SETDB2: variants seen among roughly 807,000 people sequenced by gnomAD.
SETDB2 encodes the protein SET domain bifurcated histone lysine methyltransferase 2.
Under a neutral mutation model 82.5 loss-of-function variants are expected in SETDB2, and 56 were observed. The ratio of observed to expected loss-of-function variants is 0.68; its 90% CI spans 0.55 to 0.85. SETDB2 has a LOEUF of 0.85. Ranked by LOEUF, SETDB2 falls within the 40% of genes least tolerant of loss-of-function variation. The probability of loss-of-function intolerance (pLI) is 0.00; values close to 1 mark genes in which losing one functional copy is unlikely to be tolerated. For synonymous variants in SETDB2, 272 were observed against 284.9 expected (o/e 0.95, Z 0.46); for missense variants, 677 against 816.4 (o/e 0.83, Z 2.08).
intron 5 of SETDB2, among the ~76,000 whole-genome samples, chr13:49,472,953 T>C (rs1958279344): frequency 6.6e-6 from 1 of 152,204 alleles, no homozygotes; most frequent in African/African-American, 2.4e-5. Context: ...AATTCCAAAT[T>C]ACAAGTTTTA....
At chr13:49,482,693 A>G (rs748079919) in intron 8 of SETDB2, 44 bp from the exon 9 acceptor site, 23 of 1,267,306 alleles carry the variant, frequency 1.8e-5, no homozygotes, top group East Asian at 4.7e-5. Context: ...ATCATTAGCA[A>G]TTATCTTCTG....
chr13:49,446,763 G>T (rs530135670), intron 1 of SETDB2, among the ~76,000 whole-genome samples: 1 of 152,254 alleles, frequency 6.6e-6, no homozygotes, highest in Admixed American at 6.5e-5. Flanking sequence ...GTGCTGTATA[G>T]CACATTTTAT....
intron 12 of SETDB2, among the ~76,000 whole-genome samples, 190 bp from the exon 13 acceptor site, chr13:49,490,632 G>A (rs1958693716): frequency 6.6e-6 from 1 of 152,166 alleles, no homozygotes; most frequent in Non-Finnish European, 1.5e-5. Context: ...CAGCAACATA[G>A]AAGAGCGTCA....
chr13:49,471,941 T>A (rs1245388771), intron 5 of SETDB2, among the ~76,000 whole-genome samples: 6,169 of 141,940 alleles, frequency 0.043, 181 homozygotes, highest in Non-Finnish European at 0.067. Flanking sequence ...TATATTTTTT[T>A]TTTTTTTTAA....
In SETDB2 at chr13:49,464,357, T is replaced by G. The variant is rs564349038; in HGVS notation, c.208+3195T>G. On this transcript the variant is annotated intron_variant, in intron 4 of 13. Transcript: ENST00000611815. ...ACAACTTCTTCCTGTATTTGTTCATTCTCAGATGTCTTCAATTCAAAATAA... is the reference window on the plus strand; with the variant it reads ...ACAACTTCTTCCTGTATTTGTTCATGCTCAGATGTCTTCAATTCAAAATAA... 3.3e-5 allele frequency among the ~76,000 whole-genome samples: 5 copies of G among 152,322 alleles called. No individual in the cohort carries two copies. The East Asian group carries it at 9.6e-4, about 29-fold the overall frequency.
At chr13:49,480,174 C>G in intron 6 of SETDB2, 45 bp from the exon 7 acceptor site, 3 of 1,279,110 alleles carry the variant, frequency 2.3e-6, no homozygotes, top group Non-Finnish European at 3.3e-6. Context: ...CTTGACTTGA[C>G]TTGCTGCTTT....
chr13:49,480,182 T>G (rs781389007), intron 6 of SETDB2, 37 bp from the exon 7 acceptor site: 71 of 1,387,914 alleles, frequency 5.1e-5, no homozygotes, highest in Non-Finnish European at 7.1e-5. Flanking sequence ...GACTTGCTGC[T>G]TTTTCATTCT....
Position 49,482,790 on chromosome 13 carries a change from G to A in SETDB2, c.1210G>A (p.Gly404Arg), listed in dbSNP as rs111983452. The change falls in exon 9 of 14, where the codon GGG (glycine) becomes AGG (arginine). Residue 404 changes from glycine (G) to arginine (R), a missense_variant. This residue lies in a region of SETDB2 where 420 missense variants were observed against 554.6 expected (regional missense o/e 0.76). Coordinates refer to ENST00000611815, the MANE Select transcript of SETDB2 (RefSeq NM_001160308.3). ...TEKSYGIDEN[G>R]RDENTMKNIF... ...AAAATCTTATGGTATTGATGAAAAC[G>A]GGAGAGATGAGAATACTATGAAAAA... 2.8e-3 allele frequency: 4,579 copies of A among 1,612,520 alleles called. 164 individuals are homozygous for A. In the Admixed American group the frequency reaches 0.066, roughly 23 times the overall value.
chr13:49,467,865 T>G lies in SETDB2; in HGVS notation c.210T>G (p.Asp70Glu), dbSNP rs373994331. ...TIINSSTSIK[D>E]PMPVTQKEQE... is the part of the protein sequence containing the mutation. ...TGCTCACATTATTTTTTTGTGTAGA[T>G]CCTATGCCTGTGACTCAGAAGGAAC... The change falls in exon 5 of 14, where the codon GAT (aspartate) becomes GAG (glutamate). Residue 70 changes from aspartate (D) to glutamate (E), a missense_variant and splice_region_variant. Physicochemically the swap from Asp to Glu is conservative, Grantham distance 45. Around this residue, in one of 3 missense-constraint regions of SETDB2, gnomAD observed 243 missense variants for 237.2 expected, o/e 1.02. Coordinates refer to ENST00000611815, the MANE Select transcript of SETDB2 (RefSeq NM_001160308.3). The G allele has an allele frequency of 6.2e-7, 1 of 1,605,660 alleles. No homozygotes were observed. The highest frequency in any genetic ancestry group is 8.5e-7 in the Non-Finnish European group (1 of 1,177,068).
At chr13:49,471,930 ATATATT>A (rs1436878273) in intron 5 of SETDB2, among the ~76,000 whole-genome samples, 2 of 73,116 alleles carry the variant, frequency 2.7e-5, no homozygotes, top group African/African-American at 1.2e-4. Context: ...ATATATATAT[ATATATT>A]TTTTTTTTTT....
intron 4 of SETDB2, 58 bp downstream of exon 4, chr13:49,461,220 C>T: frequency 8.2e-7 from 1 of 1,223,816 alleles, no homozygotes; most frequent in East Asian, 2.4e-5. Context: ...TGCCATGAAG[C>T]AGGATAGCTT....
chr13:49,464,695 T>G (rs1958066095), intron 4 of SETDB2, among the ~76,000 whole-genome samples: 1 of 152,166 alleles, frequency 6.6e-6, no homozygotes. Flanking sequence ...GAAGTGTTTT[T>G]AAGTAAACAG....
chr13:49,494,934 G>GA lies in SETDB2; in HGVS notation c.*3089dup, dbSNP rs1254558988. ...TATATGCATTTATGTTAGATTCACT[G>GA]AAAACCTCATCTTGTATGGTGCTCT... is the stretch of plus-strand genomic sequence containing the variant. On this transcript the variant is annotated 3_prime_UTR_variant, in exon 14 of 14. Coordinates refer to ENST00000611815, the MANE Select transcript of SETDB2 (RefSeq NM_001160308.3). 6.6e-6 allele frequency: 1 copy of GA among 152,024 alleles called. No individual in the cohort carries two copies. The highest frequency in any genetic ancestry group is 2.4e-5 in the African/African-American group (1 of 41,374). The allele number at this position is 152,024 out of a possible 1,614,324, so 9.4% of individuals were successfully genotyped here.
intron 4 of SETDB2, among the ~76,000 whole-genome samples, chr13:49,461,674 G>T (rs558300195): frequency 6.6e-6 from 1 of 152,176 alleles, no homozygotes; most frequent in Non-Finnish European, 1.5e-5. Flanking sequence ...TCCATGCCAT[G>T]CAATTCTCCA....
At chr13:49,485,257 A>G (rs1471677614) in intron 10 of SETDB2, among the ~76,000 whole-genome samples, 1 of 152,230 alleles carries the variant, frequency 6.6e-6, no homozygotes, top group Non-Finnish European at 1.5e-5. Context: ...CTAGCCAATG[A>G]GTGTTTTTCA....
Position 49,483,477 on chromosome 13 carries a change from G to T in SETDB2, c.1396G>T (p.Asp466Tyr). The part of the protein sequence containing the change: ...PKELTVETKY[D>Y]NISRIQYHSV... ...TTTCCTTTTTAGGGAAACGAAATAT[G>T]ATAATATTTCAAGAATTCAATATCA... The change falls in exon 10 of 14, where the codon GAT (aspartate) becomes TAT (tyrosine). Residue 466 changes from aspartate to tyrosine, a missense_variant. Asp to Tyr is a radical substitution (Grantham distance 160, BLOSUM62 -3). Around this residue, in one of 3 missense-constraint regions of SETDB2, gnomAD observed 420 missense variants for 554.6 expected, o/e 0.76. Transcript: ENST00000611815. 7.3e-7 allele frequency: 1 copy of T among 1,367,040 alleles called. No homozygotes were observed. The highest frequency in any genetic ancestry group is 1.4e-5 in the South Asian group (1 of 70,808). The allele number at this position is 1,367,040 out of a possible 1,614,324, so 84.7% of individuals were successfully genotyped here.
At chr13:49,464,494 C>G (rs550621854) in intron 4 of SETDB2, among the ~76,000 whole-genome samples, 12 of 152,242 alleles carry the variant, frequency 7.9e-5, no homozygotes, top group African/African-American at 2.6e-4. Context: ...ACAACTAATT[C>G]TAAACATTTC....
chr13:49,447,189 T>C (rs1296386874), intron 1 of SETDB2, among the ~76,000 whole-genome samples: 2 of 152,184 alleles, frequency 1.3e-5, no homozygotes. Context: ...TTAAGTTCTT[T>C]ATGTGTCCTC....
intron 4 of SETDB2, chr13:49,464,087 A>C: frequency 1.3e-6 from 1 of 772,202 alleles, no homozygotes; most frequent in Non-Finnish European, 2.4e-6. Flanking sequence ...ATACCACCCT[A>C]ATAGGTGAAA....
Sources: allele counts gnomAD v4.1 joint callset (sites outside exome capture counted in the v4.1 genomes callset), GRCh38; gene constraint gnomAD v4.1.1; regional missense constraint gnomAD v4.1.1; transcripts MANE v1.5; gene names NCBI Gene and HGNC (gene_info 2026-07-23, HGNC 2026-07-21).